The following SPEF2 variants were observed in gnomAD, a reference collection of about 807,000 sequenced individuals.
SPEF2 encodes sperm flagellar and cilia associated 2.
In SPEF2, 187 loss-of-function variants were observed where a neutral mutation model predicts 224.6. The observed-to-expected ratio is 0.83, with a 90% CI of 0.74 to 0.94. SPEF2 has a LOEUF of 0.94. Among genes scored for constraint, SPEF2 ranks in the 40% least tolerant of loss-of-function variants. The pLI is 0.00. For missense variants in SPEF2, 2,170 were observed against 2,135.6 expected (o/e 1.02, Z -0.32); for synonymous variants, 715 against 707.3 (o/e 1.01, Z -0.17).
intron 13 of SPEF2, among the ~76,000 whole-genome samples, chr5:35,695,453 T>TA (rs1484699644): frequency 6.6e-6 from 1 of 152,088 alleles, no homozygotes; most frequent in African/African-American, 2.4e-5. Flanking sequence ...AAAGTATTCC[T>TA]AATGATATTT....
chr5:35,809,687 G>T (rs1000808735), intron 36 of SPEF2, among the ~76,000 whole-genome samples: 4 of 152,164 alleles, frequency 2.6e-5, no homozygotes, highest in Non-Finnish European at 5.9e-5. Context: ...GGGAAATGTG[G>T]ATTCCATTTG....
intron 36 of SPEF2, chr5:35,807,724 G>T: frequency 1.3e-6 from 2 of 1,536,074 alleles, no homozygotes; most frequent in Middle Eastern, 3.3e-4. Context: ...GCAAGATGGA[G>T]AAACTAAGGA....
In SPEF2 at chr5:35,659,009, G is replaced by C. The variant is rs1749335187; in HGVS notation, c.979-10G>C. The stretch of plus-strand genomic sequence containing the variant: ...GTCACTTTAACAAATAATTCCCCTG[G>C]TGTTTTCAGGAGGCTTATCGGGAGG... On this transcript the variant is annotated splice_polypyrimidine_tract_variant and intron_variant, in intron 7 of 36. Transcript: ENST00000356031. 1 of 1,523,032 alleles carries C rather than the reference G, an allele frequency of 6.6e-7. No homozygotes were observed. Among genetic ancestry groups the C allele is most frequent in the African/African-American group, 1.4e-5 (1 of 71,638 alleles). The allele number at this position is 1,523,032 out of a possible 1,614,324, so 94.3% of individuals were successfully genotyped here. A position where few individuals can be genotyped will look rare whatever the true frequency, so the allele number is the denominator to read the frequency against.
intron 30 of SPEF2, among the ~76,000 whole-genome samples, chr5:35,786,973 A>G (rs1298921048): frequency 1.3e-5 from 2 of 152,202 alleles, no homozygotes; most frequent in Non-Finnish European, 2.9e-5. Flanking sequence ...ATTATATGAT[A>G]AAACAGGACA....
At chr5:35,618,531 T>C (rs1196036532) in intron 1 of SPEF2, among the ~76,000 whole-genome samples, 1 of 152,222 alleles carries the variant, frequency 6.6e-6, no homozygotes, top group Non-Finnish European at 1.5e-5. Flanking sequence ...CAATACCTTC[T>C]CTGAATGTGT....
Position 35,617,924 on chromosome 5 carries a change from G to C in SPEF2, c.-74G>C. ...CAAAGGGTTGCCCTTGGCTACAGGA[G>C]GACGCGGGCTGGCAGGCTTGGTTCC... On this transcript the variant is annotated 5_prime_UTR_variant, in exon 1 of 37. Coordinates refer to ENST00000356031, the MANE Select transcript of SPEF2 (RefSeq NM_024867.4). 6.9e-7 allele frequency: 1 copy of C among 1,459,422 alleles called. No individual in the cohort carries two copies. Among genetic ancestry groups the C allele is most frequent in the South Asian group, 1.2e-5 (1 of 82,298 alleles). The allele number at this position is 1,459,422 out of a possible 1,614,324, so 90.4% of individuals were successfully genotyped here.
chr5:35,782,904 G>GATT (rs1405550402), intron 30 of SPEF2, among the ~76,000 whole-genome samples: 1 of 151,982 alleles, frequency 6.6e-6, no homozygotes, highest in African/African-American at 2.4e-5. Flanking sequence ...ATTATTTATT[G>GATT]ATTATTATTA....
chr5:35,733,928 A>G (rs1026930943), intron 21 of SPEF2, among the ~76,000 whole-genome samples: 1 of 152,202 alleles, frequency 6.6e-6, no homozygotes, highest in African/African-American at 2.4e-5. Context: ...TAATAGAAAC[A>G]TATCTTTTAA....
intron 6 of SPEF2, among the ~76,000 whole-genome samples, chr5:35,651,890 G>A (rs1160613440): frequency 6.6e-6 from 1 of 152,142 alleles, no homozygotes; most frequent in Non-Finnish European, 1.5e-5. Context: ...TTTTCCCCGT[G>A]TAACAAGGTT....
At chr5:35,636,932 C>T (rs771953801) in intron 2 of SPEF2, among the ~76,000 whole-genome samples, 21 of 148,888 alleles carry the variant, frequency 1.4e-4, no homozygotes, top group East Asian at 2.0e-4. Flanking sequence ...GCTAAGATTG[C>T]GCCGTTGCAC....
At chr5:35,724,664 G>C (rs1023417458) in intron 20 of SPEF2, among the ~76,000 whole-genome samples, 10 of 152,146 alleles carry the variant, frequency 6.6e-5, no homozygotes, top group African/African-American at 1.9e-4. Context: ...GCAAGTTACT[G>C]TACCTTAATA....
At chr5:35,726,988 C>CT (rs1056466861) in intron 20 of SPEF2, among the ~76,000 whole-genome samples, 28 of 79,084 alleles carry the variant, frequency 3.5e-4, no homozygotes, top group African/African-American at 1.0e-3. Context: ...AAGCACCCCC[C>CT]CCCTTTCCTC....
chr5:35,693,615 C>T (rs887411038), intron 12 of SPEF2, among the ~76,000 whole-genome samples: 3 of 152,108 alleles, frequency 2.0e-5, no homozygotes, highest in African/African-American at 2.4e-5. Context: ...AGACCCTAAG[C>T]GTGAATTGGT....
At position 35,739,966 on chromosome 5, in the gene SPEF2, C is replaced by G; in HGVS notation, c.3111C>G (p.Ser1037=). The change falls in exon 22 of 37, where the codon TCC becomes TCG. Residue 1037 remains serine, a synonymous_variant. Coordinates refer to ENST00000356031, the MANE Select transcript of SPEF2 (RefSeq NM_024867.4). ...CTTACTGGGAACTAATAGAAAATTC[C>G]TATATAAACACCATCAAAACAGTAC... ...LVPYWELIEN[S]YINTIKTVLR... 1 of 1,614,044 alleles carries G rather than the reference C, an allele frequency of 6.2e-7. No homozygotes were observed. The highest frequency in any genetic ancestry group is 8.5e-7 in the Non-Finnish European group (1 of 1,179,984).
intron 11 of SPEF2, among the ~76,000 whole-genome samples, chr5:35,692,106 T>C (rs1227360236): frequency 1.3e-5 from 2 of 151,942 alleles, no homozygotes; most frequent in African/African-American, 4.8e-5. Context: ...CCTTATCACG[T>C]TTTTTAAAAA....
intron 28 of SPEF2, 26 bp from the exon 29 acceptor site, chr5:35,776,231 A>G (rs1413018336): frequency 6.3e-7 from 1 of 1,595,026 alleles, no homozygotes; most frequent in South Asian, 1.1e-5. Flanking sequence ...ATATGTTAAA[A>G]CATTCTTATT....
intron 16 of SPEF2, among the ~76,000 whole-genome samples, chr5:35,701,022 G>A (rs1386257092): frequency 2.0e-5 from 3 of 152,094 alleles, no homozygotes; most frequent in Non-Finnish European, 4.4e-5. Context: ...GCATTGGGGT[G>A]TTTTTTTGAG....
Position 35,700,498 on chromosome 5 carries a change from A to C in SPEF2, c.2144A>C (p.Glu715Ala), listed in dbSNP as rs1470695447. The C allele has an allele frequency of 2.5e-6, 4 of 1,609,364 alleles. No homozygotes were observed. Among genetic ancestry groups the C allele is most frequent in the Non-Finnish European group, 3.4e-6 (4 of 1,177,768 alleles). ...LVDIIVNAIN[E>A]IPVNQDCILD... ...TGAGTTGTCCTGTTTCAATTTAGTG[A>C]GATACCTGTGAATCAAGACTGTATC... Residue 715 changes from glutamate to alanine, a missense_variant and splice_region_variant, in exon 16 of 37, where the codon GAG becomes GCG. Coordinates refer to ENST00000356031, the MANE Select transcript of SPEF2 (RefSeq NM_024867.4).
chr5:35,762,515 G>A (rs1379684398), intron 25 of SPEF2, among the ~76,000 whole-genome samples: 3 of 152,104 alleles, frequency 2.0e-5, no homozygotes, highest in Non-Finnish European at 4.4e-5. Flanking sequence ...ACGGTAGACT[G>A]TGCCTATGAT....
Sources: allele counts gnomAD v4.1 joint callset (sites outside exome capture counted in the v4.1 genomes callset), GRCh38; gene constraint gnomAD v4.1.1; transcripts MANE v1.5; gene names NCBI Gene and HGNC (gene_info 2026-07-23, HGNC 2026-07-21).